Variants in RAP1GAP2 observed in about 807,000 individuals in gnomAD.
RAP1GAP2 encodes the protein rap1 GTPase-activating protein 2.
RAP1GAP2 carries 27 observed loss-of-function variants against 95.0 expected under a neutral mutation model. The observed-to-expected ratio is 0.28, with a 90% CI of 0.21 to 0.39. The LOEUF (loss-of-function observed/expected upper bound fraction) is 0.39. Ranked by LOEUF, RAP1GAP2 falls within the 10% of genes least tolerant of loss-of-function variation. The probability of loss-of-function intolerance (pLI) is 1.00; values close to 1 mark genes in which losing one functional copy is unlikely to be tolerated. For missense variants in RAP1GAP2, 771 were observed against 970.0 expected (o/e 0.79, Z 2.72); for synonymous variants, 373 against 380.9 (o/e 0.98, Z 0.24).
intron 18 of RAP1GAP2, among the ~76,000 whole-genome samples, 196 bp downstream of exon 18, chr17:3,018,394 C>CT (rs1175523578): frequency 6.6e-6 from 1 of 152,084 alleles, no homozygotes; most frequent in African/African-American, 2.4e-5. Context: ...AGCCTCCATC[C>CT]TAGACAGCAC....
chr17:2,917,282 T>C (rs1467881606), intron 3 of RAP1GAP2, among the ~76,000 whole-genome samples: 1 of 152,046 alleles, frequency 6.6e-6, no homozygotes, highest in Non-Finnish European at 1.5e-5. Flanking sequence ...TTTTTTTTTC[T>C]TTTTTGAGAC....
At chr17:2,944,365 T>A (rs1475153390) in intron 3 of RAP1GAP2, among the ~76,000 whole-genome samples, 4 of 152,162 alleles carry the variant, frequency 2.6e-5, no homozygotes, top group Non-Finnish European at 5.9e-5. Flanking sequence ...GATATCCAGC[T>A]TTTTTGCAGC....
intron 17 of RAP1GAP2, among the ~76,000 whole-genome samples, chr17:3,014,980 T>C (rs1351112779): frequency 6.6e-6 from 1 of 152,180 alleles, no homozygotes; most frequent in African/African-American, 2.4e-5. Flanking sequence ...GAGACCAGCC[T>C]GGGCAACACA....
intron 2 of RAP1GAP2, among the ~76,000 whole-genome samples, chr17:2,841,462 C>T (rs1172077636): frequency 2.6e-5 from 4 of 151,784 alleles, no homozygotes; most frequent in South Asian, 2.1e-4. Flanking sequence ...CGCCACCACA[C>T]GCGGCTAATT....
intron 3 of RAP1GAP2, among the ~76,000 whole-genome samples, chr17:2,940,033 G>C (rs965439270): frequency 9.9e-5 from 15 of 152,244 alleles, no homozygotes; most frequent in South Asian, 4.1e-4. Context: ...CCCGACTCTC[G>C]GGACCCAGGC....
chr17:2,877,456 C>A (rs767549560), intron 2 of RAP1GAP2, among the ~76,000 whole-genome samples: 34 of 152,186 alleles, frequency 2.2e-4, no homozygotes, highest in Admixed American at 5.9e-4. Context: ...GCTCACAAAT[C>A]TCCCTGCCTG....
intron 3 of RAP1GAP2, among the ~76,000 whole-genome samples, chr17:2,948,053 G>A (rs1369570299): frequency 6.6e-6 from 1 of 152,176 alleles, no homozygotes; most frequent in African/African-American, 2.4e-5. Context: ...CCTGGATTGG[G>A]GTGGGCGGGA....
chr17:2,975,374 T>G (rs2045067066), intron 8 of RAP1GAP2, among the ~76,000 whole-genome samples: 1 of 152,032 alleles, frequency 6.6e-6, no homozygotes, highest in African/African-American at 2.4e-5. Flanking sequence ...GAGACATACC[T>G]AAAGAAAAAT....
intron 17 of RAP1GAP2, among the ~76,000 whole-genome samples, chr17:3,016,777 T>C (rs1346859917): frequency 2.0e-5 from 3 of 152,198 alleles, no homozygotes; most frequent in Non-Finnish European, 4.4e-5. Flanking sequence ...CTCTGTGGTG[T>C]AGACACCAAC....
chr17:2,797,657 G>A lies in RAP1GAP2; in HGVS notation c.44+1086G>A, dbSNP rs539545713. On this transcript the variant is annotated intron_variant, in intron 1 of 24. Coordinates refer to ENST00000254695, the MANE Select transcript of RAP1GAP2 (RefSeq NM_015085.5). The surrounding 1 kb of genome is among the most constrained non-coding windows in gnomAD (Gnocchi z 5.6). Reference sequence around the variant, plus strand: ...GCACTTTGCCATCCATCCTCTGGCAGGGGGGGACTGTGGGCACTCCATGTT... The same window carrying A: ...GCACTTTGCCATCCATCCTCTGGCAAGGGGGGACTGTGGGCACTCCATGTT... 4.2e-6 allele frequency: 4 copies of A among 962,288 alleles called. No individual in the cohort carries two copies. In the African/African-American group the frequency reaches 7.0e-5, roughly 17 times the overall value. The allele number at this position is 962,288 out of a possible 1,614,324, so 59.6% of individuals were successfully genotyped here. A position where few individuals can be genotyped will look rare whatever the true frequency, so the allele number is the denominator to read the frequency against.
intron 3 of RAP1GAP2, among the ~76,000 whole-genome samples, chr17:2,935,041 A>C (rs1474995554): frequency 1.3e-5 from 2 of 152,154 alleles, no homozygotes; most frequent in Non-Finnish European, 1.5e-5. Flanking sequence ...TGATTTAGAC[A>C]ATACACCCAA....
At chr17:3,017,155 G>T (rs1000436527) in intron 17 of RAP1GAP2, among the ~76,000 whole-genome samples, 2 of 152,110 alleles carry the variant, frequency 1.3e-5, no homozygotes. Context: ...AGGGGTGGTT[G>T]TGCCTTCCCG....
chr17:2,878,991 C>T (rs952042943), intron 2 of RAP1GAP2, among the ~76,000 whole-genome samples: 2 of 152,176 alleles, frequency 1.3e-5, no homozygotes, highest in Admixed American at 1.3e-4. Flanking sequence ...CCGGCGCTGG[C>T]CAGTGCTCAG....
intron 2 of RAP1GAP2, among the ~76,000 whole-genome samples, chr17:2,815,764 G>A (rs530266059): frequency 6.6e-6 from 1 of 152,112 alleles, no homozygotes; most frequent in Non-Finnish European, 1.5e-5. Flanking sequence ...TTACAGGCGC[G>A]AGCCACCGCA....
At chr17:2,842,418 T>C (rs1251472053) in intron 2 of RAP1GAP2, among the ~76,000 whole-genome samples, 1 of 150,368 alleles carries the variant, frequency 6.7e-6, no homozygotes, top group African/African-American at 2.5e-5. Context: ...TAATCCCAGC[T>C]ACTTGGGAGG....
chr17:2,834,177 A>C (rs550751361), intron 2 of RAP1GAP2, among the ~76,000 whole-genome samples: 1 of 152,272 alleles, frequency 6.6e-6, no homozygotes, highest in East Asian at 1.9e-4. Flanking sequence ...GATTGACCAC[A>C]CTGACTTCCC....
At chr17:2,853,951 C>T (rs1309827062) in intron 2 of RAP1GAP2, 1 of 982,498 alleles carries the variant, frequency 1.0e-6, no homozygotes, top group Non-Finnish European at 1.2e-6. Context: ...GCCGGGGCTG[C>T]GGGGACGCGG....
Position 3,027,852 on chromosome 17 carries a change from G to A in RAP1GAP2, c.2107+782G>A, listed in dbSNP as rs1214163011. 2.0e-5 allele frequency among the ~76,000 whole-genome samples: 3 copies of A among 151,966 alleles called. No homozygotes were observed. The highest frequency in any genetic ancestry group is 2.9e-5 in the Non-Finnish European group (2 of 67,974). Reference sequence around the variant, plus strand: ...CCTCGGTTCAGGAGAGATCAAGGAGGTAAAATGTACGGGCTCAGTAGCAGG... The same window carrying A: ...CCTCGGTTCAGGAGAGATCAAGGAGATAAAATGTACGGGCTCAGTAGCAGG... On this transcript the variant is annotated intron_variant, in intron 22 of 24. Coordinates refer to ENST00000254695, the MANE Select transcript of RAP1GAP2 (RefSeq NM_015085.5). This position sits in a 1 kb window ranked among gnomAD's most constrained non-coding sequence, Gnocchi z 5.2.
chr17:2,799,629 T>C (rs916547094), intron 1 of RAP1GAP2, among the ~76,000 whole-genome samples: 16 of 152,200 alleles, frequency 1.1e-4, no homozygotes, highest in African/African-American at 3.4e-4. Context: ...TGACATGTGG[T>C]GACATGGACA....
Sources: allele counts gnomAD v4.1 joint callset (sites outside exome capture counted in the v4.1 genomes callset), GRCh38; gene constraint gnomAD v4.1.1; non-coding constraint Gnocchi (gnomAD v3.1); transcripts MANE v1.5; gene names NCBI Gene and HGNC (gene_info 2026-07-23, HGNC 2026-07-21).